The following NRG1 variants were observed in gnomAD, a reference collection of about 807,000 sequenced individuals.
NRG1 encodes pro-neuregulin-1, membrane-bound isoform.
In NRG1, 18 loss-of-function variants were observed where a neutral mutation model predicts 63.8. That is an observed-to-expected ratio of 0.28 (90% CI 0.19 to 0.42). The LOEUF (loss-of-function observed/expected upper bound fraction) is 0.42, where lower values mean the gene tolerates loss of function less well. Ranked by LOEUF, NRG1 falls within the 10% of genes least tolerant of loss-of-function variation. The probability of loss-of-function intolerance (pLI) is 1.00; values close to 1 mark genes in which losing one functional copy is unlikely to be tolerated. For missense variants in NRG1, 762 were observed against 814.7 expected, an observed-to-expected ratio of 0.94 and a Z score of 0.79; for synonymous variants, 302 against 301.3, an observed-to-expected ratio of 1.00 and a Z score of -0.02.
At chr8:32,520,449 G>A (rs1423086881) in intron 1 of NRG1, among the ~76,000 whole-genome samples, 1 of 152,002 alleles carries the variant, frequency 6.6e-6, no homozygotes, top group African/African-American at 2.4e-5. Flanking sequence ...ATGAGCCACT[G>A]CATCCAGCCT....
At chr8:32,308,994 G>GT (rs1191792370) in intron 1 of NRG1, among the ~76,000 whole-genome samples, 1 of 152,114 alleles carries the variant, frequency 6.6e-6, no homozygotes, top group Non-Finnish European at 1.5e-5. Context: ...ATTTTTATTT[G>GT]TTTTTTTCTG....
At chr8:32,291,837 T>C (rs562590523) in intron 1 of NRG1, among the ~76,000 whole-genome samples, 1 of 152,240 alleles carries the variant, frequency 6.6e-6, no homozygotes, top group South Asian at 2.1e-4. Flanking sequence ...CCACTCTTGA[T>C]ACTGTTTGGC....
At chr8:32,433,151 A>T (rs1220115976) in intron 1 of NRG1, among the ~76,000 whole-genome samples, 1 of 152,112 alleles carries the variant, frequency 6.6e-6, no homozygotes, top group Non-Finnish European at 1.5e-5. Context: ...GGTAGGACAT[A>T]CTGGGGCCCT....
rs569490177 is a variant in NRG1 at position 31,648,258 on chromosome 8, C to T, written c.37+8827C>T. On this transcript the variant is annotated intron_variant, in intron 1 of 10. Transcript: ENST00000519301. ...ACGCCATTCTCCTGCCTCAGCCTCC[C>T]GTGTAGCTGGGACTACAGGCGCGCG... Among the ~76,000 whole-genome samples the T allele has an allele frequency of 2.5e-3, 375 of 150,800 alleles. 2 individuals are homozygous for T. Among genetic ancestry groups the T allele is most frequent in the African/African-American group, 8.5e-3 (347 of 41,026 alleles).
chr8:31,843,334 G>A (rs1016889878), intron 1 of NRG1, among the ~76,000 whole-genome samples: 2 of 152,166 alleles, frequency 1.3e-5, no homozygotes, highest in Admixed American at 1.3e-4. Flanking sequence ...GGGGTGGTTT[G>A]CTCTTTCTCT....
chr8:32,074,593 G>T (rs1228035556), intron 1 of NRG1, among the ~76,000 whole-genome samples: 1 of 152,036 alleles, frequency 6.6e-6, no homozygotes, highest in Non-Finnish European at 1.5e-5. Context: ...GTGGGTCAGG[G>T]GTAGGTGTGT....
chr8:31,747,123 A>G (rs1353357909), intron 1 of NRG1, among the ~76,000 whole-genome samples: 1 of 151,948 alleles, frequency 6.6e-6, no homozygotes, highest in African/African-American at 2.4e-5. Context: ...GGGAGACTAT[A>G]GTCAATAATA....
chr8:31,755,762 T>C (rs1816907136), intron 1 of NRG1, among the ~76,000 whole-genome samples: 1 of 152,094 alleles, frequency 6.6e-6, no homozygotes, highest in African/African-American at 2.4e-5. Context: ...TGTCCACTGT[T>C]ATGAGAGAGA....
At chr8:31,849,040 CT>C (rs1280341328) in intron 1 of NRG1, among the ~76,000 whole-genome samples, 1 of 152,174 alleles carries the variant, frequency 6.6e-6, no homozygotes, top group Non-Finnish European at 1.5e-5. Flanking sequence ...GAGGCATAGT[CT>C]TAGAGTGTAA....
In NRG1 at chr8:31,640,248, C is replaced by T. The variant is rs1230884424; in HGVS notation, c.37+817C>T. ...CGGTGGTGATCGAGGGAAAGGTGCA[C>T]CCGCAGCGGCGGCAGCAGGGGGCAC... On this transcript the variant is annotated intron_variant, in intron 1 of 10. Transcript: ENST00000519301. This position sits in a 1 kb window ranked among gnomAD's most constrained non-coding sequence, Gnocchi z 6.3. 2 of 1,147,506 alleles carry T rather than the reference C, an allele frequency of 1.7e-6. No homozygotes were observed. Among genetic ancestry groups the T allele is most frequent in the East Asian group, 4.0e-5 (1 of 24,738 alleles). The allele number at this position is 1,147,506 out of a possible 1,614,324, so 71.1% of individuals were successfully genotyped here.
chr8:31,818,695 G>C (rs1038584829), intron 1 of NRG1, among the ~76,000 whole-genome samples: 2 of 152,138 alleles, frequency 1.3e-5, no homozygotes, highest in African/African-American at 4.8e-5. Flanking sequence ...TGTGTGGCCC[G>C]GTCCCTAACA....
At chr8:31,746,075 A>G (rs763999757) in intron 1 of NRG1, among the ~76,000 whole-genome samples, 12 of 151,548 alleles carry the variant, frequency 7.9e-5, no homozygotes, top group Non-Finnish European at 1.8e-4. Flanking sequence ...AATCTTAAAG[A>G]CTTTTTTTTT....
chr8:32,635,269 G>A (rs1851111208), intron 5 of NRG1, among the ~76,000 whole-genome samples: 1 of 152,210 alleles, frequency 6.6e-6, no homozygotes, highest in Non-Finnish European at 1.5e-5. Context: ...ACATCTTTTG[G>A]ATGGATAGGT....
intron 1 of NRG1, among the ~76,000 whole-genome samples, chr8:31,691,594 C>CAAAAAAAAAA (rs71208138): frequency 8.6e-5 from 3 of 34,994 alleles, no homozygotes; most frequent in Admixed American, 5.0e-4. Context: ...GACTCTGTCT[C>CAAAAAAAAAA]AAAAAAAAAA....
At chr8:32,233,563 A>ATATATATATATATTTT (rs34593729) in intron 1 of NRG1, among the ~76,000 whole-genome samples, 15 of 67,236 alleles carry the variant, frequency 2.2e-4, no homozygotes, top group South Asian at 5.9e-4. Flanking sequence ...ATATATATAT[A>ATATATATATATATTTT]TTTTTTTTTT....
chr8:32,305,836 G>A (rs923664399), intron 1 of NRG1, among the ~76,000 whole-genome samples: 1 of 152,170 alleles, frequency 6.6e-6, no homozygotes, highest in Admixed American at 6.5e-5. Context: ...TCAAGTTCTT[G>A]CATTGCCAGT....
intron 1 of NRG1, among the ~76,000 whole-genome samples, chr8:32,449,924 A>G (rs1430316778): frequency 5.3e-5 from 8 of 152,142 alleles, no homozygotes; most frequent in Non-Finnish European, 1.0e-4. Context: ...AGAGCACAGG[A>G]TATTTGGGGA....
chr8:32,569,882 T>G (rs73234160), intron 1 of NRG1, among the ~76,000 whole-genome samples: 30,563 of 150,600 alleles, frequency 0.2, 3,782 homozygotes, highest in Admixed American at 0.33. Context: ...ACAATTCTAG[T>G]TAATTCTTTT....
At chr8:32,722,165 C>G (rs987797694) in intron 5 of NRG1, 28 of 810,440 alleles carry the variant, frequency 3.5e-5, no homozygotes, top group Middle Eastern at 3.6e-4. Flanking sequence ...CTGTAAGTAA[C>G]TCGTAAAGAA....
Sources: allele counts gnomAD v4.1 joint callset (sites outside exome capture counted in the v4.1 genomes callset), GRCh38; gene constraint gnomAD v4.1.1; non-coding constraint Gnocchi (gnomAD v3.1); transcripts MANE v1.5; gene names NCBI Gene and HGNC (gene_info 2026-07-23, HGNC 2026-07-21).